The following TDRD12 variants were observed in gnomAD, a reference collection of about 807,000 sequenced individuals.
TDRD12 encodes the protein putative ATP-dependent RNA helicase TDRD12.
In TDRD12, 158 loss-of-function variants were observed where a neutral mutation model predicts 133.5. That is an observed-to-expected ratio of 1.18 (90% confidence interval 1.04 to 1.35). The LOEUF (loss-of-function observed/expected upper bound fraction) is 1.35, where lower values mean the gene tolerates loss of function less well. Among genes scored for constraint, TDRD12 ranks in the 40% most tolerant of loss-of-function variants. The probability of loss-of-function intolerance (pLI) is 0.00; values close to 1 mark genes in which losing one functional copy is unlikely to be tolerated. For synonymous variants in TDRD12, 460 were observed against 477.9 expected (o/e 0.96, Z 0.49); for missense variants, 1,443 against 1,321.3 (o/e 1.09, Z -1.43).
At chr19:32,807,293 A>AAAAG (rs1971581256) in intron 21 of TDRD12, among the ~76,000 whole-genome samples, 1 of 144,736 alleles carries the variant, frequency 6.9e-6, no homozygotes, top group African/African-American at 2.5e-5. Context: ...AAAAAAAAAA[A>AAAAG]AAAGAAAGTT....
At chr19:32,774,178 A>G (rs1022536982) in intron 10 of TDRD12, among the ~76,000 whole-genome samples, 6 of 152,204 alleles carry the variant, frequency 3.9e-5, no homozygotes, top group African/African-American at 1.4e-4. Context: ...CTAAGAACAC[A>G]CTTCCCCTCG....
intron 16 of TDRD12, 76 bp from the exon 17 acceptor site, chr19:32,800,091 C>T (rs1780868627): frequency 1.1e-6 from 1 of 883,356 alleles, no homozygotes; most frequent in Non-Finnish European, 1.7e-6. Context: ...TATACAAACC[C>T]TTACATTTTA....
At chr19:32,813,310 C>T (rs1334300012) in intron 24 of TDRD12, among the ~76,000 whole-genome samples, 2 of 152,244 alleles carry the variant, frequency 1.3e-5, no homozygotes, top group Non-Finnish European at 2.9e-5. Context: ...GAACAACTTT[C>T]ACTTCACTTT....
chr19:32,758,106 G>A (rs535442822), intron 8 of TDRD12, among the ~76,000 whole-genome samples: 20 of 152,248 alleles, frequency 1.3e-4, no homozygotes, highest in South Asian at 2.1e-4. Flanking sequence ...GATTGTATCC[G>A]CATTTGGCAG....
chr19:32,775,696 A>T (rs1032009396), intron 10 of TDRD12, among the ~76,000 whole-genome samples: 1 of 151,024 alleles, frequency 6.6e-6, no homozygotes, highest in Non-Finnish European at 1.5e-5. Context: ...TTCTTTGCTG[A>T]GAACTTGTGT....
In TDRD12 at chr19:32,810,322, G is replaced by A. The variant is rs1252628310; in HGVS notation, c.2837+45G>A. On this transcript the variant is annotated intron_variant, in intron 23 of 27. Coordinates refer to ENST00000444215, the Ensembl canonical transcript of TDRD12. ...CATCTGTAAAGTTTTGAAGCATGAG[G>A]TAACTAAGTGGTGTTGAGTTCCGAT... The A allele has an allele frequency of 4.2e-6, 6 of 1,425,872 alleles. No individual in the cohort carries two copies. The African/African-American group carries it at 8.6e-5, about 20-fold the overall frequency. The allele number at this position is 1,425,872 out of a possible 1,614,324, so 88.3% of individuals were successfully genotyped here. A position where few individuals can be genotyped will look rare whatever the true frequency, so the allele number is the denominator to read the frequency against.
chr19:32,756,143 C>T, exon 7 of TDRD12: 1 of 1,435,634 alleles, frequency 7.0e-7, no homozygotes, highest in Non-Finnish European at 9.1e-7. Flanking sequence ...ACACTCTGGC[C>T]AATGTTTTTG....
intron 6 of TDRD12, among the ~76,000 whole-genome samples, chr19:32,752,607 A>G (rs916688268): frequency 6.6e-6 from 1 of 152,096 alleles, no homozygotes; most frequent in Non-Finnish European, 1.5e-5. Flanking sequence ...GTTATAATCT[A>G]TAACTATCAT....
intron 14 of TDRD12, chr19:32,796,223 G>A (rs1487158670): frequency 8.2e-6 from 8 of 977,558 alleles, no homozygotes; most frequent in Admixed American, 1.2e-4. Context: ...AGAAGACATA[G>A]GGTTGCAGTT....
chr19:32,726,492 C>T (rs1310391310), intron 1 of TDRD12, among the ~76,000 whole-genome samples: 1 of 152,202 alleles, frequency 6.6e-6, no homozygotes, highest in Non-Finnish European at 1.5e-5. Flanking sequence ...CTGAGTGCCT[C>T]ATATAAGTGG....
At chr19:32,775,752 T>C (rs1304030486) in intron 10 of TDRD12, among the ~76,000 whole-genome samples, 1 of 152,118 alleles carries the variant, frequency 6.6e-6, no homozygotes, top group Non-Finnish European at 1.5e-5. Flanking sequence ...GGAGTGAGTG[T>C]CCAGAGATTG....
intron 1 of TDRD12, among the ~76,000 whole-genome samples, chr19:32,723,989 C>G (rs896492538): frequency 1.3e-5 from 2 of 152,000 alleles, no homozygotes; most frequent in Non-Finnish European, 2.9e-5. Flanking sequence ...TCCTGAGTAG[C>G]TGGGCCTAAA....
intron 11 of TDRD12, among the ~76,000 whole-genome samples, chr19:32,782,131 C>T (rs1020992283): frequency 6.7e-6 from 1 of 149,720 alleles, no homozygotes; most frequent in Non-Finnish European, 1.5e-5. Flanking sequence ...CCCCACCCCC[C>T]ACAGGCCCCA....
intron 1 of TDRD12, among the ~76,000 whole-genome samples, chr19:32,730,084 C>A (rs1038376624): frequency 6.6e-5 from 10 of 152,106 alleles, no homozygotes; most frequent in Admixed American, 4.6e-4. Context: ...GCCACAGCAC[C>A]CGGCTAAAAC....
At chr19:32,732,979 GC>G (rs940600564) in intron 2 of TDRD12, among the ~76,000 whole-genome samples, 2 of 152,048 alleles carry the variant, frequency 1.3e-5, no homozygotes, top group African/African-American at 4.8e-5. Flanking sequence ...TTTGTGAACA[GC>G]CTGGGCAACA....
At chr19:32,726,666 GCTTGAGGT>G (rs1968872353) in intron 1 of TDRD12, among the ~76,000 whole-genome samples, 1 of 102,812 alleles carries the variant, frequency 9.7e-6, no homozygotes, top group Admixed American at 8.6e-5. Flanking sequence ...TGGGAGGATT[GCTTGAGGT>G]GAGGATTGCT....
chr19:32,815,258 G>T (rs1287209112), intron 25 of TDRD12, among the ~76,000 whole-genome samples, 190 bp from the exon 26 acceptor site: 1 of 152,198 alleles, frequency 6.6e-6, no homozygotes, highest in Non-Finnish European at 1.5e-5. Context: ...AGGCCTGGAT[G>T]ATTTGGATGG....
At chr19:32,827,473 AG>A (rs1300747219) in exon 10 of TDRD12, 7 of 255,118 alleles carry the variant, frequency 2.7e-5, no homozygotes, top group Non-Finnish European at 4.3e-5. Context: ...TCTGCCTCAC[AG>A]GCTCAAGCAA....
chr19:32,759,913 G>T (rs1970104417), intron 8 of TDRD12, among the ~76,000 whole-genome samples: 1 of 152,250 alleles, frequency 6.6e-6, no homozygotes, highest in Non-Finnish European at 1.5e-5. Context: ...CGTGCAGCGT[G>T]CTTGGCTCAG....
Sources: gnomAD v4.1 joint callset for allele counts (sites outside exome capture counted in the v4.1 genomes callset) on GRCh38, gnomAD v4.1.1 for gene constraint, MANE v1.5 for transcripts, NCBI Gene and HGNC (gene_info 2026-07-23, HGNC 2026-07-21) for gene names.